The following ST3GAL2 variants were observed in gnomAD, a reference collection of about 807,000 sequenced individuals.
ST3GAL2 encodes the protein CMP-N-acetylneuraminate-beta-galactosamide-alpha-2,3-sialyltransferase 2.
Under a neutral mutation model 37.5 loss-of-function variants are expected in ST3GAL2, and 16 were observed. The observed-to-expected ratio is 0.43, with a 90% CI of 0.29 to 0.65. ST3GAL2 has a LOEUF of 0.65. ST3GAL2 is among the 30% of genes least tolerant of loss of function. The pLI, the probability that ST3GAL2 is intolerant of heterozygous loss-of-function variation, is 0.17. For synonymous variants in ST3GAL2, 238 were observed against 202.9 expected (o/e 1.17, Z -1.47); for missense variants, 383 against 487.8 (o/e 0.79, Z 2.02).
At position 70,420,884 on chromosome 16, in the gene ST3GAL2, A is replaced by G. The variant is rs576907937; in HGVS notation, c.-1004+18065T>C. On this transcript the variant is annotated intron_variant, in intron 1 of 6. Coordinates refer to ENST00000342907, the MANE Select transcript of ST3GAL2 (RefSeq NM_006927.4). ...AGTGAAGGTATAGAAATGCAGAGTA[A>G]AAGATGGAGGGAACCAGAGGTGGGC... 1.6e-3 allele frequency among the ~76,000 whole-genome samples: 245 copies of G among 152,304 alleles called. 6 individuals carry two copies. The highest frequency in any genetic ancestry group is 6.6e-4 in the Non-Finnish European group (45 of 68,024).
At chr16:70,420,262 G>A (rs760595252) in intron 1 of ST3GAL2, among the ~76,000 whole-genome samples, 7 of 152,016 alleles carry the variant, frequency 4.6e-5, no homozygotes, top group Non-Finnish European at 7.4e-5. Flanking sequence ...GGCAGTTCGT[G>A]GGCTAAACTG....
intron 1 of ST3GAL2, among the ~76,000 whole-genome samples, chr16:70,414,227 A>G (rs957262231): frequency 2.0e-5 from 3 of 152,242 alleles, no homozygotes; most frequent in African/African-American, 7.2e-5. Context: ...AACAAGATTC[A>G]TAGAACTCTA....
At chr16:70,402,756 TCTC>T (rs2047564873) in intron 1 of ST3GAL2, among the ~76,000 whole-genome samples, 1 of 152,186 alleles carries the variant, frequency 6.6e-6, no homozygotes, top group African/African-American at 2.4e-5. Flanking sequence ...TTCAAACGAT[TCTC>T]CTGTCTCAGC....
intron 2 of ST3GAL2, among the ~76,000 whole-genome samples, chr16:70,396,411 C>T (rs2047516731): frequency 6.6e-6 from 1 of 151,510 alleles, no homozygotes. Context: ...GGAGATTGAT[C>T]TGTAGAGGGA....
chr16:70,410,808 G>GTTTTT (rs35994886), intron 1 of ST3GAL2, among the ~76,000 whole-genome samples: 5 of 103,216 alleles, frequency 4.8e-5, no homozygotes, highest in African/African-American at 1.1e-4. Context: ...TTTAGATCCT[G>GTTTTT]TTTTTTTTTT....
Position 70,377,657 on chromosome 16 carries a change from T to C in ST3GAL2, c.*4032A>G, listed in dbSNP as rs536793763. 1.3e-5 allele frequency: 2 copies of C among 151,974 alleles called. No homozygotes were observed. The highest frequency in any genetic ancestry group is 6.6e-5 in the Admixed American group (1 of 15,248). 9.4% of individuals were successfully genotyped at this position (151,974 alleles called of 1,614,324 possible). On this transcript the variant is annotated 3_prime_UTR_variant, in exon 7 of 7. Transcript: ENST00000342907. ...GGCCAACATGGTGAAACCCCGTCTC[T>C]ACTAAAAATACAAAAATTAGCTGGG...
At chr16:70,438,502 G>A (rs1004280975) in intron 1 of ST3GAL2, among the ~76,000 whole-genome samples, 35 of 152,290 alleles carry the variant, frequency 2.3e-4, no homozygotes, top group Admixed American at 1.8e-3. Flanking sequence ...GGGGAGAGAG[G>A]AAAGAGGAGC....
chr16:70,413,003 C>T (rs1455856356), intron 1 of ST3GAL2, among the ~76,000 whole-genome samples: 1 of 152,126 alleles, frequency 6.6e-6, no homozygotes, highest in African/African-American at 2.4e-5. Context: ...AATCCCAGTA[C>T]TTTGGGAGGC....
chr16:70,396,011 G>A (rs1206754776), intron 2 of ST3GAL2, among the ~76,000 whole-genome samples: 4 of 145,814 alleles, frequency 2.7e-5, no homozygotes, highest in African/African-American at 5.1e-5. Context: ...CACTCTTGTC[G>A]CCCAGGCTGG....
intron 1 of ST3GAL2, among the ~76,000 whole-genome samples, chr16:70,426,809 C>A (rs1358199848): frequency 6.6e-6 from 1 of 152,136 alleles, no homozygotes; most frequent in Non-Finnish European, 1.5e-5. Flanking sequence ...CGCGCCTGGC[C>A]CAAAAGTGTA....
chr16:70,430,335 C>G (rs997602811), intron 1 of ST3GAL2, among the ~76,000 whole-genome samples: 4 of 152,246 alleles, frequency 2.6e-5, no homozygotes, highest in African/African-American at 9.6e-5. Flanking sequence ...GAGATGAAAA[C>G]TCACACTCAT....
Position 70,398,477 on chromosome 16 carries a change from G to A in ST3GAL2, c.54C>T (p.Phe18=), listed in dbSNP as rs377658212. Residue 18 remains phenylalanine, a synonymous_variant, in exon 2 of 7, where the codon TTC becomes TTT. Coordinates refer to ENST00000342907, the MANE Select transcript of ST3GAL2 (RefSeq NM_006927.4). ...AGTAGGTGAAGAGCAGGGACATGATGAACACCAGCAGGAAGGCCACGGAGA... is the reference window on the plus strand; with the variant it reads ...AGTAGGTGAAGAGCAGGGACATGATAAACACCAGCAGGAAGGCCACGGAGA... ...WFLSVAFLLV[F]IMSLLFTYSH... is the part of the protein sequence containing the mutation. The A allele has an allele frequency of 1.9e-6, 3 of 1,613,404 alleles. No homozygotes were observed. Among genetic ancestry groups the A allele is most frequent in the Non-Finnish European group, 2.5e-6 (3 of 1,179,978 alleles).
At chr16:70,382,691 C>T (rs2047414442) in intron 6 of ST3GAL2, 114 bp downstream of exon 6, 2 of 1,505,882 alleles carry the variant, frequency 1.3e-6, no homozygotes, top group East Asian at 4.6e-5. Context: ...GAAACCAAGG[C>T]CACATGGATT....
intron 1 of ST3GAL2, among the ~76,000 whole-genome samples, chr16:70,417,441 C>T (rs748226760): frequency 9.9e-4 from 151 of 152,258 alleles, no homozygotes; most frequent in Non-Finnish European, 1.2e-3. Context: ...CAGCAGAGGA[C>T]GGTGCGCGTC....
Position 70,376,004 on chromosome 16 carries a change from T to C in ST3GAL2, c.*5685A>G, listed in dbSNP as rs2047342835. The C allele has an allele frequency of 6.6e-6, 1 of 152,212 alleles. No homozygotes were observed. Among genetic ancestry groups the C allele is most frequent in the South Asian group, 2.1e-4 (1 of 4,834 alleles). 9.4% of individuals were successfully genotyped at this position (152,212 alleles called of 1,614,324 possible). On this transcript the variant is annotated 3_prime_UTR_variant, in exon 7 of 7. Transcript: ENST00000342907. ...TAGTTAAGGTTTATTTATTTCTATT[T>C]ATAGCAAAGACAGCTGAGATGTCAA...
intron 2 of ST3GAL2, 31 bp from the exon 3 acceptor site, chr16:70,395,206 G>C (rs1391577159): frequency 3.8e-6 from 6 of 1,582,524 alleles, no homozygotes; most frequent in Non-Finnish European, 5.2e-6. Flanking sequence ...TGGGAAACGA[G>C]GAAGGGGAGA....
chr16:70,395,121 A>T lies in ST3GAL2; in HGVS notation c.394T>A (p.Phe132Ile). ...HNTNEVLEKLFQIVPGENPYR... is the reference protein window; with the variant it reads ...HNTNEVLEKLIQIVPGENPYR... ...GGGTTCTCGCCAGGCACTATCTGGAACAGCTTCTCCAGCACCTCATTGGTG... is the reference window on the plus strand; with the variant it reads ...GGGTTCTCGCCAGGCACTATCTGGATCAGCTTCTCCAGCACCTCATTGGTG... Residue 132 changes from phenylalanine to isoleucine, a missense_variant, in exon 3 of 7, where the codon TTC (phenylalanine) becomes ATC (isoleucine). This residue lies in a region of ST3GAL2 where 223 missense variants were observed against 239.1 expected (regional missense o/e 0.93). Coordinates refer to ENST00000342907, the MANE Select transcript of ST3GAL2 (RefSeq NM_006927.4). 2 of 1,613,492 alleles carry T rather than the reference A, an allele frequency of 1.2e-6. No individual in the cohort carries two copies. Among genetic ancestry groups the T allele is most frequent in the Non-Finnish European group, 1.7e-6 (2 of 1,179,714 alleles).
At chr16:70,425,187 C>T (rs1597575296) in intron 1 of ST3GAL2, among the ~76,000 whole-genome samples, 2 of 152,016 alleles carry the variant, frequency 1.3e-5, no homozygotes, top group Non-Finnish European at 1.5e-5. Flanking sequence ...ATAGGCCAGG[C>T]GCAGCAGCTC....
chr16:70,413,637 G>A (rs1442983802), intron 1 of ST3GAL2, among the ~76,000 whole-genome samples: 2 of 150,468 alleles, frequency 1.3e-5, no homozygotes, highest in Non-Finnish European at 3.0e-5. Context: ...TCCGGAGGCT[G>A]AGGCAGGAGA....
Sources: gnomAD v4.1 joint callset for allele counts (sites outside exome capture counted in the v4.1 genomes callset) on GRCh38, gnomAD v4.1.1 for gene constraint, gnomAD v4.1.1 regional missense constraint, MANE v1.5 for transcripts, NCBI Gene and HGNC (gene_info 2026-07-23, HGNC 2026-07-21) for gene names.